Variants in PCDHA5 observed in about 807,000 individuals in gnomAD.
The protein encoded by PCDHA5 is protocadherin alpha-5.
A neutral mutation model predicts 61.6 loss-of-function variants in PCDHA5; 43 were observed. That is an observed-to-expected ratio of 0.70 (90% CI 0.55 to 0.90). PCDHA5 has a LOEUF of 0.90. Among genes scored for constraint, PCDHA5 ranks in the 40% least tolerant of loss-of-function variants. The pLI is 0.00. For missense variants in PCDHA5, 1,298 were observed against 1,222.7 expected (o/e 1.06, Z -0.92); for synonymous variants, 627 against 543.9 (o/e 1.15, Z -2.13).
chr5:140,875,803 G>C (rs370212231), intron 1 of PCDHA5: 17 of 1,614,218 alleles, frequency 1.1e-5, no homozygotes, highest in Non-Finnish European at 1.4e-5. Context: ...GGTGATCGTG[G>C]ACAGGCCGCT....
chr5:140,850,259 C>G lies in PCDHA5; in HGVS notation c.2352+26132C>G, dbSNP rs2150476080. The stretch of plus-strand genomic sequence containing the variant: ...TGGTGCTGCGGTCGGTGGGCGCCGG[C>G]GTAGTGGTGGGGAAGGTGCGCGCAG... On this transcript the variant is annotated intron_variant, in intron 1 of 3. Transcript: ENST00000529859. 10 of 1,593,780 alleles carry G rather than the reference C, an allele frequency of 6.3e-6. 1 individual carries two copies. Among genetic ancestry groups the G allele is most frequent in the African/African-American group, 2.7e-5 (2 of 74,102 alleles).
At chr5:140,834,529 C>T (rs2150220403) in intron 1 of PCDHA5, 3 of 1,614,054 alleles carry the variant, frequency 1.9e-6, no homozygotes, top group Non-Finnish European at 2.5e-6. Context: ...GGCCGCATCG[C>T]GCAGGACCTG....
At chr5:140,845,354 C>A (rs2150378670) in intron 1 of PCDHA5, among the ~76,000 whole-genome samples, 4 of 149,532 alleles carry the variant, frequency 2.7e-5, no homozygotes, top group Non-Finnish European at 6.0e-5. Context: ...ATTTAATTGA[C>A]TTTTACAAAA....
At chr5:140,844,643 T>C (rs1405874201) in intron 1 of PCDHA5, among the ~76,000 whole-genome samples, 1 of 149,602 alleles carries the variant, frequency 6.7e-6, no homozygotes, top group Non-Finnish European at 1.5e-5. Context: ...CATGATAATT[T>C]CATTCTTGCA....
At chr5:140,929,148 G>A in intron 1 of PCDHA5, 1 of 1,614,190 alleles carries the variant, frequency 6.2e-7, no homozygotes, top group Middle Eastern at 1.6e-4. Flanking sequence ...GACTTTCTCA[G>A]ACTTATCTCT....
chr5:140,939,005 G>A (rs2092293653), intron 1 of PCDHA5, among the ~76,000 whole-genome samples: 1 of 152,200 alleles, frequency 6.6e-6, no homozygotes, highest in Non-Finnish European at 1.5e-5. Flanking sequence ...AAGTTAAGAA[G>A]TGTTACTTTT....
In PCDHA5 at chr5:140,978,964, C is replaced by A; in HGVS notation, c.2368C>A (p.Pro790Thr). The A allele has an allele frequency of 6.2e-7, 1 of 1,614,122 alleles. No individual in the cohort carries two copies. The highest frequency in any genetic ancestry group is 1.3e-5 in the African/African-American group (1 of 75,040). ...GATTTTGCAGCCACGACAGCCCAAC[C>A]CTGACTGGCGTTACTCTGCCTCCCT... The part of the protein sequence containing the change: ...TSTDNPRQPN[P>T]DWRYSASLRA... Residue 790 changes from proline (P) to threonine (T), a missense_variant, in exon 2 of 4, where the codon CCT becomes ACT. Transcript: ENST00000529859.
chr5:140,960,482 G>GTGTA (rs1585840878), intron 1 of PCDHA5, among the ~76,000 whole-genome samples: 1 of 152,150 alleles, frequency 6.6e-6, no homozygotes, highest in Non-Finnish European at 1.5e-5. Context: ...TTACACAGAG[G>GTGTA]TGTAGGTTTG....
intron 1 of PCDHA5, chr5:140,927,906 CG>C: frequency 6.2e-7 from 1 of 1,614,180 alleles, no homozygotes. Context: ...ATCATGCCCC[CG>C]AACTGGACTT....
intron 1 of PCDHA5, chr5:140,883,843 C>G: frequency 6.2e-7 from 1 of 1,612,786 alleles, no homozygotes; most frequent in Non-Finnish European, 8.5e-7. Context: ...CGTTGGACCA[C>G]GAGGAGCTGG....
At chr5:140,871,405 C>T (rs1554165555) in intron 1 of PCDHA5, 10 of 1,614,106 alleles carry the variant, frequency 6.2e-6, no homozygotes, top group Non-Finnish European at 7.6e-6. Flanking sequence ...TAAGACGGAC[C>T]TCATGGCCTT....
At chr5:141,009,036 T>C (rs782309668) in intron 3 of PCDHA5, among the ~76,000 whole-genome samples, 7 of 152,242 alleles carry the variant, frequency 4.6e-5, no homozygotes, top group Non-Finnish European at 1.0e-4. Context: ...TCCCATCCCG[T>C]TCCCAGTCAA....
intron 1 of PCDHA5, chr5:140,835,993 C>T: frequency 6.2e-7 from 1 of 1,613,346 alleles, no homozygotes; most frequent in Non-Finnish European, 8.5e-7. Context: ...CAGGTGAGCG[C>T]GCGCGATGCG....
chr5:140,824,240 TG>T (rs2150133455), intron 1 of PCDHA5, 113 bp downstream of exon 1: 160 of 1,495,102 alleles, frequency 1.1e-4, no homozygotes, highest in Middle Eastern at 6.9e-4. Flanking sequence ...ACAAATATTG[TG>T]GTACACAATT....
At chr5:140,970,366 A>G (rs1438755786) in intron 1 of PCDHA5, among the ~76,000 whole-genome samples, 2 of 152,196 alleles carry the variant, frequency 1.3e-5, no homozygotes, top group Admixed American at 1.3e-4. Context: ...TTGATTTGCT[A>G]TAGCTTCAAA....
At chr5:140,881,867 G>A (rs2058853547) in intron 1 of PCDHA5, among the ~76,000 whole-genome samples, 1 of 152,166 alleles carries the variant, frequency 6.6e-6, no homozygotes, top group Non-Finnish European at 1.5e-5. Flanking sequence ...TAAATTTGTG[G>A]CAAAATGAAA....
intron 1 of PCDHA5, among the ~76,000 whole-genome samples, chr5:140,933,393 C>G (rs1419190705): frequency 2.6e-5 from 4 of 151,956 alleles, no homozygotes; most frequent in Admixed American, 1.3e-4. Context: ...CTAGAGCCAT[C>G]TGGTTACCAT....
intron 1 of PCDHA5, among the ~76,000 whole-genome samples, chr5:140,962,829 C>CT (rs1342441888): frequency 6.6e-6 from 1 of 152,190 alleles, no homozygotes; most frequent in East Asian, 1.9e-4. Flanking sequence ...CCATTTGTCT[C>CT]TTTTTTATTA....
intron 1 of PCDHA5, chr5:140,849,822 G>A: frequency 6.3e-7 from 1 of 1,598,624 alleles, no homozygotes; most frequent in East Asian, 2.2e-5. Context: ...CAGGGTGTCT[G>A]TGGAGGTGGC....
Sources: gnomAD v4.1 joint callset for allele counts (sites outside exome capture counted in the v4.1 genomes callset) on GRCh38, gnomAD v4.1.1 for gene constraint, MANE v1.5 for transcripts, NCBI Gene and HGNC (gene_info 2026-07-23, HGNC 2026-07-21) for gene names.